The following CSMD1 variants were observed in gnomAD, a reference collection of about 807,000 sequenced individuals.
CSMD1 encodes the protein CUB and sushi domain-containing protein 1.
A neutral mutation model predicts 417.5 loss-of-function variants in CSMD1; 213 were observed. That is an observed-to-expected ratio of 0.51 (90% confidence interval 0.46 to 0.57). The LOEUF is 0.57. CSMD1 is among the 20% of genes least tolerant of loss of function. The pLI is 0.00. For missense variants in CSMD1, 6,923 were observed against 4,529.7 expected, an observed-to-expected ratio of 1.53 and a Z score of -15.17; for synonymous variants, 2,862 against 1,736.8, an observed-to-expected ratio of 1.65 and a Z score of -16.11.
At chr8:3,327,825 G>T (rs1465992676) in intron 23 of CSMD1, among the ~76,000 whole-genome samples, 2 of 151,990 alleles carry the variant, frequency 1.3e-5, no homozygotes, top group African/African-American at 4.8e-5. Context: ...CTTTAGCTCC[G>T]GGTCCTCATT....
chr8:4,960,216 C>T (rs1233252776), intron 1 of CSMD1, among the ~76,000 whole-genome samples: 1 of 152,118 alleles, frequency 6.6e-6, no homozygotes, highest in Non-Finnish European at 1.5e-5. Context: ...ATCTAGGACA[C>T]TCAGAAGATG....
intron 1 of CSMD1, among the ~76,000 whole-genome samples, chr8:4,691,546 C>A (rs1176083728): frequency 6.6e-6 from 1 of 152,150 alleles, no homozygotes; most frequent in Non-Finnish European, 1.5e-5. Flanking sequence ...TTCTATAGAG[C>A]AAATACCATT....
chr8:4,266,606 G>C (rs1428795307), intron 3 of CSMD1, among the ~76,000 whole-genome samples: 1 of 104,448 alleles, frequency 9.6e-6, no homozygotes, highest in Non-Finnish European at 2.6e-5. Flanking sequence ...CCCACTAATG[G>C]CGTAAAGTGA....
chr8:4,602,373 G>A (rs1210794114), intron 2 of CSMD1, among the ~76,000 whole-genome samples: 2 of 152,104 alleles, frequency 1.3e-5, no homozygotes, highest in African/African-American at 4.8e-5. Context: ...TCTACTGCCA[G>A]GAGAGATCCA....
intron 1 of CSMD1, among the ~76,000 whole-genome samples, chr8:4,841,356 T>G (rs1563559040): frequency 6.6e-6 from 1 of 152,200 alleles, no homozygotes; most frequent in Non-Finnish European, 1.5e-5. Flanking sequence ...ATTCTACAGT[T>G]TGGAACCACT....
intron 1 of CSMD1, among the ~76,000 whole-genome samples, chr8:4,697,960 T>G (rs952170494): frequency 1.3e-5 from 2 of 152,182 alleles, no homozygotes; most frequent in East Asian, 3.9e-4. Flanking sequence ...CAAATAGTGA[T>G]GCTTAAATGT....
chr8:3,242,416 A>C (rs1421483346), intron 26 of CSMD1, among the ~76,000 whole-genome samples: 7 of 151,920 alleles, frequency 4.6e-5, no homozygotes, highest in African/African-American at 7.3e-5. Context: ...GTTGCATGGG[A>C]ACAGAGACTA....
At chr8:3,213,516 G>C (rs538413542) in intron 30 of CSMD1, among the ~76,000 whole-genome samples, 1 of 152,134 alleles carries the variant, frequency 6.6e-6, no homozygotes, top group African/African-American at 2.4e-5. Context: ...CTGTAGGTTA[G>C]TTTTGTCTGT....
At chr8:3,330,313 G>A (rs1487717452) in intron 23 of CSMD1, among the ~76,000 whole-genome samples, 2 of 152,166 alleles carry the variant, frequency 1.3e-5, no homozygotes, top group Non-Finnish European at 2.9e-5. Context: ...CGATGCAGCA[G>A]TATTCACAAT....
intron 3 of CSMD1, among the ~76,000 whole-genome samples, chr8:4,113,936 TAAGAA>T (rs745739831): frequency 2.7e-4 from 41 of 152,282 alleles, no homozygotes; most frequent in African/African-American, 9.1e-4. Context: ...TCATAAGATT[TAAGAA>T]AAGAAGCCAT....
At chr8:3,808,949 C>T (rs1000823074) in intron 5 of CSMD1, among the ~76,000 whole-genome samples, 1 of 152,070 alleles carries the variant, frequency 6.6e-6, no homozygotes, top group Admixed American at 6.6e-5. Flanking sequence ...GTAGAGGGGT[C>T]GTTTGCAAGA....
intron 1 of CSMD1, among the ~76,000 whole-genome samples, chr8:4,969,184 G>T (rs28741985): frequency 2.6e-5 from 4 of 152,066 alleles, no homozygotes; most frequent in South Asian, 4.1e-4. Context: ...GTGTGCGTGT[G>T]TGTTGGTCTC....
At chr8:4,868,701 G>T (rs551153197) in intron 1 of CSMD1, among the ~76,000 whole-genome samples, 1 of 151,918 alleles carries the variant, frequency 6.6e-6, no homozygotes, top group East Asian at 1.9e-4. Flanking sequence ...TGTCTTGGTC[G>T]AAAGTATTTG....
At chr8:3,605,306 G>A (rs374057528) in intron 8 of CSMD1, among the ~76,000 whole-genome samples, 2 of 152,164 alleles carry the variant, frequency 1.3e-5, no homozygotes, top group African/African-American at 4.8e-5. Flanking sequence ...AATTCTTACT[G>A]AAAAGAACAC....
chr8:4,709,501 C>G (rs545905493), intron 1 of CSMD1, among the ~76,000 whole-genome samples: 8 of 152,334 alleles, frequency 5.3e-5, no homozygotes, highest in African/African-American at 1.9e-4. Flanking sequence ...CATGTGCCAC[C>G]TTCCTCAGGC....
At chr8:4,653,261 T>C (rs1015549795) in intron 1 of CSMD1, among the ~76,000 whole-genome samples, 2 of 152,110 alleles carry the variant, frequency 1.3e-5, no homozygotes, top group Admixed American at 6.5e-5. Flanking sequence ...AAAGGAGTGA[T>C]TGGATCCACA....
intron 10 of CSMD1, among the ~76,000 whole-genome samples, chr8:3,518,134 T>G (rs1170761352): frequency 6.7e-6 from 1 of 148,694 alleles, no homozygotes; most frequent in African/African-American, 2.5e-5. Context: ...TATTAACTAT[T>G]TCTAGAAAAA....
chr8:4,228,543 C>T (rs1172763448), intron 3 of CSMD1, among the ~76,000 whole-genome samples: 2 of 151,048 alleles, frequency 1.3e-5, no homozygotes, highest in East Asian at 2.0e-4. Flanking sequence ...CTACAACCCA[C>T]TGGCTGTACT....
chr8:3,875,863 A>G (rs1436822450), intron 5 of CSMD1, among the ~76,000 whole-genome samples: 1 of 152,208 alleles, frequency 6.6e-6, no homozygotes, highest in African/African-American at 2.4e-5. Flanking sequence ...TGGAAACACT[A>G]GAGTGTGTTC....
Sources: gnomAD v4.1 joint callset for allele counts (sites outside exome capture counted in the v4.1 genomes callset) on GRCh38, gnomAD v4.1.1 for gene constraint, MANE v1.5 for transcripts, NCBI Gene and HGNC (gene_info 2026-07-23, HGNC 2026-07-21) for gene names.